Variants in MAF observed in about 807,000 individuals in gnomAD.
The protein encoded by MAF is transcription factor Maf.
A neutral mutation model predicts 22.0 loss-of-function variants in MAF; 10 were observed. The ratio of observed to expected loss-of-function variants is 0.45; its 90% CI spans 0.28 to 0.77. The LOEUF (loss-of-function observed/expected upper bound fraction) is 0.77. MAF is among the 30% of genes least tolerant of loss of function. The pLI, the probability that MAF is intolerant of heterozygous loss-of-function variation, is 0.12. For synonymous variants in MAF, 337 were observed against 255.8 expected (o/e 1.32, Z -3.03); for missense variants, 544 against 548.4 (o/e 0.99, Z 0.08).
At chr16:79,458,590 A>G in the MAF span, among the ~76,000 whole-genome samples, 1 of 152,216 alleles carries the variant, frequency 6.6e-6, no homozygotes, top group East Asian at 1.9e-4. Flanking sequence ...GAAGAGGTGA[A>G]AGTCTACTCT....
the MAF span, among the ~76,000 whole-genome samples, chr16:79,279,908 T>C: frequency 7.0e-4 from 106 of 152,326 alleles, no homozygotes; most frequent in Non-Finnish European, 1.2e-3. Context: ...TAAATTACAC[T>C]GATTTGGAAA....
At chr16:79,280,476 T>C in the MAF span, among the ~76,000 whole-genome samples, 1 of 152,250 alleles carries the variant, frequency 6.6e-6, no homozygotes, top group Admixed American at 6.5e-5. Context: ...CCTGGGATTC[T>C]GCAACAAAAC....
At chr16:79,566,888 G>T in the MAF span, among the ~76,000 whole-genome samples, 2 of 152,174 alleles carry the variant, frequency 1.3e-5, no homozygotes, top group African/African-American at 4.8e-5. Context: ...GATGGATGTA[G>T]GGACCCTCTT....
chr16:79,231,418 C>A, the MAF span, among the ~76,000 whole-genome samples: 2 of 151,990 alleles, frequency 1.3e-5, no homozygotes, highest in African/African-American at 4.8e-5. Context: ...GTCTAAATCA[C>A]GAAAGCTGAC....
At chr16:79,593,783 T>C (rs76288989), downstream of MAF, 91,015 of 174,660 alleles carry the variant, frequency 0.52, 24,561 homozygotes, top group Non-Finnish European at 0.58. Context: ...GGTGATTTTT[T>C]TTTTTTTGAG....
the MAF span, among the ~76,000 whole-genome samples, chr16:79,221,059 C>T: frequency 2.0e-5 from 3 of 152,218 alleles, no homozygotes; most frequent in Non-Finnish European, 4.4e-5. Context: ...TGGGTCAGCT[C>T]GTTTTGCCAG....
At chr16:79,513,667 A>G in the MAF span, among the ~76,000 whole-genome samples, 131,645 of 152,196 alleles carry the variant, frequency 0.86, 56,962 homozygotes, top group East Asian at 0.92. Flanking sequence ...TTCCTAATCC[A>G]TAAAATGGAA....
At chr16:79,274,557 A>T in the MAF span, among the ~76,000 whole-genome samples, 1 of 152,174 alleles carries the variant, frequency 6.6e-6, no homozygotes, top group African/African-American at 2.4e-5. Flanking sequence ...TACAAAGTCT[A>T]GTCACTGAGA....
chr16:79,510,084 G>C, the MAF span, among the ~76,000 whole-genome samples: 142 of 152,278 alleles, frequency 9.3e-4, 1 homozygote, highest in African/African-American at 3.2e-3. Context: ...TACTAGCTCG[G>C]CGATTGCAGG....
At chr16:79,258,497 T>A in the MAF span, among the ~76,000 whole-genome samples, 2 of 152,196 alleles carry the variant, frequency 1.3e-5, no homozygotes, top group East Asian at 3.9e-4. Context: ...TCCTCTCTCC[T>A]GTAATGGAGC....
the MAF span, among the ~76,000 whole-genome samples, chr16:79,259,762 A>G: frequency 6.6e-6 from 1 of 152,202 alleles, no homozygotes; most frequent in Non-Finnish European, 1.5e-5. Context: ...GGGGACAGAC[A>G]TGACACAAAA....
At chr16:79,291,375 C>T in the MAF span, among the ~76,000 whole-genome samples, 1 of 152,132 alleles carries the variant, frequency 6.6e-6, no homozygotes, top group Non-Finnish European at 1.5e-5. Context: ...CTTGTTGGTT[C>T]AAGTTTCCAT....
At chr16:79,423,779 G>C in the MAF span, among the ~76,000 whole-genome samples, 17 of 152,154 alleles carry the variant, frequency 1.1e-4, no homozygotes, top group Non-Finnish European at 2.4e-4. Context: ...ACTGTATTGA[G>C]TTTGAATTTC....
chr16:79,530,734 T>C, the MAF span, among the ~76,000 whole-genome samples: 1 of 152,244 alleles, frequency 6.6e-6, no homozygotes, highest in South Asian at 2.1e-4. Context: ...ATTGTTTTTA[T>C]AATAATAAAA....
chr16:79,489,180 C>A, the MAF span, among the ~76,000 whole-genome samples: 1 of 152,114 alleles, frequency 6.6e-6, no homozygotes, highest in Non-Finnish European at 1.5e-5. Context: ...CACCTATCCA[C>A]ACATCCATTT....
chr16:79,494,659 A>G, the MAF span, among the ~76,000 whole-genome samples: 1 of 152,152 alleles, frequency 6.6e-6, no homozygotes, highest in Non-Finnish European at 1.5e-5. Flanking sequence ...TTCTGACACC[A>G]AATGTGTAGG....
At chr16:79,249,546 C>T in the MAF span, among the ~76,000 whole-genome samples, 1 of 152,094 alleles carries the variant, frequency 6.6e-6, no homozygotes, top group Non-Finnish European at 1.5e-5. Flanking sequence ...AACCTGATTC[C>T]CAGCAGAGGC....
At chr16:79,439,862 T>C in the MAF span, among the ~76,000 whole-genome samples, 4 of 152,322 alleles carry the variant, frequency 2.6e-5, no homozygotes, top group Non-Finnish European at 5.9e-5. Context: ...GAGACCAATA[T>C]ATTAATCACA....
At chr16:79,274,297 G>A in the MAF span, among the ~76,000 whole-genome samples, 1 of 150,686 alleles carries the variant, frequency 6.6e-6, no homozygotes, top group African/African-American at 2.4e-5. Context: ...AAACAATAAA[G>A]CTGTGGCTTT....
Sources: allele counts gnomAD v4.1 joint callset (sites outside exome capture counted in the v4.1 genomes callset), GRCh38; gene constraint gnomAD v4.1.1; transcripts MANE v1.5; gene names NCBI Gene and HGNC (gene_info 2026-07-23, HGNC 2026-07-21).